PSD3: variants seen among roughly 807,000 people sequenced by gnomAD.
The protein encoded by PSD3 is pleckstrin and Sec7 domain containing 3.
In PSD3, 49 loss-of-function variants were observed where a neutral mutation model predicts 105.5. The ratio of observed to expected loss-of-function variants is 0.46; its 90% CI spans 0.37 to 0.59. The LOEUF is 0.59. PSD3 is among the 20% of genes least tolerant of loss of function. The probability of loss-of-function intolerance (pLI) is 0.00; values close to 1 mark genes in which losing one functional copy is unlikely to be tolerated. For missense variants in PSD3, 1,561 were observed against 1,263.8 expected (o/e 1.24, Z -3.57); for synonymous variants, 557 against 457.8 (o/e 1.22, Z -2.77).
chr8:18,931,998 G>C (rs966965634), intron 2 of PSD3, among the ~76,000 whole-genome samples: 1 of 152,130 alleles, frequency 6.6e-6, no homozygotes, highest in Non-Finnish European at 1.5e-5. Flanking sequence ...TCATTCTCTT[G>C]AGTCCTCAGT....
At chr8:18,774,673 G>A (rs1807866306) in intron 8 of PSD3, 1 of 364,858 alleles carries the variant, frequency 2.7e-6, no homozygotes, top group African/African-American at 2.1e-5. Context: ...TTGGGCCACA[G>A]ATCTGGGGGC....
intron 1 of PSD3, among the ~76,000 whole-genome samples, chr8:19,058,665 T>C (rs1003886065): frequency 1.1e-4 from 16 of 152,086 alleles, no homozygotes; most frequent in Non-Finnish European, 2.1e-4. Flanking sequence ...TTCCCTAAAT[T>C]GGGTGATTAA....
chr8:18,577,107 A>G (rs1461706014), intron 12 of PSD3, among the ~76,000 whole-genome samples: 1 of 152,014 alleles, frequency 6.6e-6, no homozygotes, highest in African/African-American at 2.4e-5. Flanking sequence ...TTGGGAAAGA[A>G]GAGTATTTTT....
chr8:18,772,956 T>C (rs1162732305), intron 8 of PSD3, among the ~76,000 whole-genome samples: 1 of 152,244 alleles, frequency 6.6e-6, no homozygotes, highest in African/African-American at 2.4e-5. Context: ...ATATGATTTG[T>C]AAATATTTTA....
intron 1 of PSD3, among the ~76,000 whole-genome samples, chr8:19,068,365 C>T (rs1829145380): frequency 6.6e-6 from 1 of 151,792 alleles, no homozygotes; most frequent in Non-Finnish European, 1.5e-5. Flanking sequence ...TCCTGACTCA[C>T]TGTAGCCTCG....
chr8:19,049,966 G>C (rs1828463045), intron 1 of PSD3, among the ~76,000 whole-genome samples: 1 of 152,144 alleles, frequency 6.6e-6, no homozygotes, highest in South Asian at 2.1e-4. Flanking sequence ...AAAATTCCTA[G>C]TTCCAACCAC....
chr8:18,874,287 G>A (rs1395605160), intron 2 of PSD3, among the ~76,000 whole-genome samples: 1 of 151,862 alleles, frequency 6.6e-6, no homozygotes, highest in African/African-American at 2.4e-5. Context: ...CCAGTCTCCA[G>A]AGTAGCTGGG....
Position 19,004,738 on chromosome 8 carries a change from G to A in PSD3, c.21+8825C>T, listed in dbSNP as rs78593164. ...GGAACTCCCACAATTCCCATGTGTCGTGTGAGGAAGCCGGTGGAAGGTAAT... is the reference window on the plus strand; with the variant it reads ...GGAACTCCCACAATTCCCATGTGTCATGTGAGGAAGCCGGTGGAAGGTAAT... On this transcript the variant is annotated intron_variant, in intron 1 of 15. Transcript: ENST00000327040. Among the ~76,000 whole-genome samples the A allele has an allele frequency of 4.1e-3, 619 of 152,154 alleles. 7 individuals carry two copies. Among genetic ancestry groups the A allele is most frequent in the African/African-American group, 0.014 (570 of 41,558 alleles).
upstream of PSD3, among the ~76,000 whole-genome samples, chr8:19,015,720 T>G (rs1436943147): frequency 6.6e-6 from 1 of 152,226 alleles, no homozygotes; most frequent in Non-Finnish European, 1.5e-5. Context: ...GTTTCCTCAT[T>G]TATAAAATTG....
At chr8:19,037,446 T>C (rs569231415) in intron 1 of PSD3, among the ~76,000 whole-genome samples, 4 of 152,234 alleles carry the variant, frequency 2.6e-5, no homozygotes, top group African/African-American at 9.6e-5. Context: ...GGATTTGTGA[T>C]GGCCGATTTC....
chr8:18,611,913 C>A (rs1805294075), intron 11 of PSD3, among the ~76,000 whole-genome samples: 2 of 152,194 alleles, frequency 1.3e-5, no homozygotes. Flanking sequence ...CAGGGAAGAC[C>A]CCTTCTTGCT....
At chr8:18,674,156 G>A (rs1298414795) in intron 9 of PSD3, among the ~76,000 whole-genome samples, 1 of 151,130 alleles carries the variant, frequency 6.6e-6, no homozygotes, top group African/African-American at 2.4e-5. Flanking sequence ...AAAAAAAAAA[G>A]AAAATGGTGG....
chr8:18,724,345 C>T (rs1384370273), intron 9 of PSD3, among the ~76,000 whole-genome samples: 1 of 152,126 alleles, frequency 6.6e-6, no homozygotes, highest in East Asian at 1.9e-4. Flanking sequence ...GGTGTGGTGG[C>T]TCATGCTTGT....
intron 2 of PSD3, among the ~76,000 whole-genome samples, chr8:18,892,521 C>G (rs1818868919): frequency 6.6e-6 from 1 of 152,056 alleles, no homozygotes; most frequent in Non-Finnish European, 1.5e-5. Flanking sequence ...CCGCACCTGG[C>G]CATAAACATT....
chr8:19,013,209 C>A (rs371444098), intron 1 of PSD3, among the ~76,000 whole-genome samples: 234 of 151,926 alleles, frequency 1.5e-3, no homozygotes, highest in African/African-American at 5.5e-3. Flanking sequence ...CTGACAGAAA[C>A]GTGATAGTCC....
intron 9 of PSD3, among the ~76,000 whole-genome samples, chr8:18,687,431 A>C (rs1585621041): frequency 6.6e-6 from 1 of 151,724 alleles, no homozygotes; most frequent in African/African-American, 2.4e-5. Context: ...ATACAACTGC[A>C]CTCCAGCTTG....
rs372627890 is a variant in PSD3 at position 18,667,437 on chromosome 8, C to A, written c.2173-11752G>T. ...GAGTGCCGATTGGTGTATTCCCAAG[C>A]CCTTAGCTAGACATGAAGATTCTCC... On this transcript the variant is annotated intron_variant, in intron 9 of 15. Coordinates refer to ENST00000327040, the MANE Select transcript of PSD3 (RefSeq NM_015310.4). Among the ~76,000 whole-genome samples, 9 of 152,276 alleles carry A rather than the reference C, an allele frequency of 5.9e-5. No homozygotes were observed. In the South Asian group the frequency reaches 1.9e-3, roughly 32 times the overall value.
At chr8:18,925,576 A>G (rs1821309767) in intron 2 of PSD3, among the ~76,000 whole-genome samples, 2 of 152,128 alleles carry the variant, frequency 1.3e-5, no homozygotes, top group Non-Finnish European at 2.9e-5. Flanking sequence ...TGGAGTGCCA[A>G]CGTAACACAA....
chr8:18,671,965 T>TG lies in PSD3; in HGVS notation c.2173-16281dup, dbSNP rs550392664. Among the ~76,000 whole-genome samples the TG allele has an allele frequency of 5.7e-3, 863 of 152,286 alleles. 8 individuals carry two copies. Among genetic ancestry groups the TG allele is most frequent in the Non-Finnish European group, 0.01 (687 of 68,014 alleles). ...TTTTAACTTTTATACCCTGATCCTC[T>TG]GAAACTGTAATTTATCAATTTATCA... On this transcript the variant is annotated intron_variant, in intron 9 of 15. Coordinates refer to ENST00000327040, the MANE Select transcript of PSD3 (RefSeq NM_015310.4).
Sources: gnomAD v4.1 joint callset for allele counts (sites outside exome capture counted in the v4.1 genomes callset) on GRCh38, gnomAD v4.1.1 for gene constraint, MANE v1.5 for transcripts, NCBI Gene and HGNC (gene_info 2026-07-23, HGNC 2026-07-21) for gene names.